The following GTF2A1 variants were observed in gnomAD, a reference collection of about 807,000 sequenced individuals.
GTF2A1 encodes the protein general transcription factor IIA subunit 1.
GTF2A1 carries 12 observed loss-of-function variants against 54.1 expected under a neutral mutation model. That is an observed-to-expected ratio of 0.22 (90% confidence interval 0.14 to 0.36). GTF2A1 has a LOEUF of 0.36. GTF2A1 is among the 10% of genes least tolerant of loss of function. GTF2A1 has a pLI of 1.00. For missense variants in GTF2A1, 335 were observed against 442.2 expected (o/e 0.76, Z 2.17); for synonymous variants, 145 against 152.0 (o/e 0.95, Z 0.34).
At chr14:81,218,266 CAT>C (rs756603348) in intron 1 of GTF2A1, among the ~76,000 whole-genome samples, 4 of 152,138 alleles carry the variant, frequency 2.6e-5, no homozygotes, top group Admixed American at 6.5e-5. Context: ...GAGATCCAGA[CAT>C]GTGTAGGTAT....
chr14:81,208,849 T>C (rs1321001687), intron 2 of GTF2A1, among the ~76,000 whole-genome samples: 1 of 152,186 alleles, frequency 6.6e-6, no homozygotes, highest in Non-Finnish European at 1.5e-5. Flanking sequence ...TGTAACCCCT[T>C]TGTTTTGGCC....
At chr14:81,214,820 T>C (rs1277224707) in intron 2 of GTF2A1, among the ~76,000 whole-genome samples, 1 of 152,212 alleles carries the variant, frequency 6.6e-6, no homozygotes, top group Non-Finnish European at 1.5e-5. Context: ...AATAGCCATA[T>C]TTTAGTAAAT....
chr14:81,214,775 CCATTATA>C (rs1566861989), intron 2 of GTF2A1, among the ~76,000 whole-genome samples: 2 of 151,338 alleles, frequency 1.3e-5, no homozygotes. Context: ...AATAATGGAT[CCATTATA>C]TGTTAACATA....
At chr14:81,188,339 G>A (rs1258389483) in intron 7 of GTF2A1, among the ~76,000 whole-genome samples, 4 of 152,066 alleles carry the variant, frequency 2.6e-5, no homozygotes, top group East Asian at 1.9e-4. Context: ...AGTGAGCCAC[G>A]ATCATGCCAC....
intron 6 of GTF2A1, among the ~76,000 whole-genome samples, chr14:81,194,140 A>T (rs1471072157): frequency 6.6e-6 from 1 of 152,224 alleles, no homozygotes; most frequent in Non-Finnish European, 1.5e-5. Context: ...TGGATGAGCC[A>T]GCATCACCAC....
chr14:81,218,822 T>G (rs928437031), intron 1 of GTF2A1, among the ~76,000 whole-genome samples: 6 of 150,656 alleles, frequency 4.0e-5, no homozygotes, highest in African/African-American at 1.5e-4. Context: ...GTTTGCAGTC[T>G]GTCTCTTCCC....
Position 81,176,344 on chromosome 14 carries a change from A to G in GTF2A1, c.*3879T>C, listed in dbSNP as rs961528225. On this transcript the variant is annotated 3_prime_UTR_variant, in exon 9 of 9. Transcript: ENST00000553612. ...AATAAATATATTTACGCCATTACACATAACAGTATGTACAACAGCAGTTGA... is the reference window on the plus strand; with the variant it reads ...AATAAATATATTTACGCCATTACACGTAACAGTATGTACAACAGCAGTTGA... 1 of 152,150 alleles carries G rather than the reference A, an allele frequency of 6.6e-6. No individual in the cohort carries two copies. Among genetic ancestry groups the G allele is most frequent in the South Asian group, 2.1e-4 (1 of 4,832 alleles). The allele number at this position is 152,150 out of a possible 1,614,324, so 9.4% of individuals were successfully genotyped here. A position where few individuals can be genotyped will look rare whatever the true frequency, so the allele number is the denominator to read the frequency against.
intron 5 of GTF2A1, 158 bp downstream of exon 5, chr14:81,197,251 A>G: frequency 1.8e-6 from 1 of 560,092 alleles, no homozygotes; most frequent in South Asian, 2.4e-5. Context: ...TTACAGTTAT[A>G]TGTGTTACAG....
rs960913188 is a variant in GTF2A1, at chr14:81,220,815, A to C, written c.-297T>G. The C allele has an allele frequency of 3.1e-6, 1 of 324,834 alleles. No homozygotes were observed. Among genetic ancestry groups the C allele is most frequent in the Non-Finnish European group, 5.6e-6 (1 of 179,284 alleles). The allele number at this position is 324,834 out of a possible 1,614,324, so 20.1% of individuals were successfully genotyped here. A position where few individuals can be genotyped will look rare whatever the true frequency, so the allele number is the denominator to read the frequency against. On this transcript the variant is annotated 5_prime_UTR_variant, in exon 1 of 9. Transcript: ENST00000553612. The stretch of plus-strand genomic sequence containing the variant: ...TCCCCACCCCGCGCCAAGGAGGGAA[A>C]CCACCACCGGTCACCGCTCCCTGCG...
Position 81,176,295 on chromosome 14 carries a change from A to T in GTF2A1, c.*3928T>A, listed in dbSNP as rs1892526522. ...CATATATCACAGAAGAGCAACCTTG[A>T]TCTGCAATGAATTTTACAAACATAA... On this transcript the variant is annotated 3_prime_UTR_variant, in exon 9 of 9. Transcript: ENST00000553612. The T allele has an allele frequency of 6.6e-6, 1 of 152,156 alleles. No homozygotes were observed. Among genetic ancestry groups the T allele is most frequent in the Non-Finnish European group, 1.5e-5 (1 of 67,984 alleles). 9.4% of individuals were successfully genotyped at this position (152,156 alleles called of 1,614,324 possible). A position where few individuals can be genotyped will look rare whatever the true frequency, so the allele number is the denominator to read the frequency against.
At chr14:81,209,813 AG>A in intron 2 of GTF2A1, 1 of 631,508 alleles carries the variant, frequency 1.6e-6, no homozygotes, top group Non-Finnish European at 2.5e-6. Context: ...ACAGCCTCAA[AG>A]AAAAGCCATC....
At chr14:81,207,879 C>A (rs1893277003) in intron 2 of GTF2A1, among the ~76,000 whole-genome samples, 1 of 152,142 alleles carries the variant, frequency 6.6e-6, no homozygotes, top group African/African-American at 2.4e-5. Context: ...GGTTAACTGG[C>A]AGAAGAAATT....
intron 2 of GTF2A1, among the ~76,000 whole-genome samples, chr14:81,210,891 TC>T (rs1442818991): frequency 2.0e-5 from 3 of 152,130 alleles, no homozygotes; most frequent in Non-Finnish European, 2.9e-5. Flanking sequence ...TTGAAAACAA[TC>T]AGGAATACTA....
upstream of GTF2A1, chr14:81,221,249 G>A (rs1407300861): frequency 6.6e-6 from 1 of 152,408 alleles, no homozygotes; most frequent in Admixed American, 6.5e-5. Flanking sequence ...GAAAAGACGG[G>A]AGTTCTACTG....
At chr14:81,219,916 A>T (rs1438923954) in intron 1 of GTF2A1, among the ~76,000 whole-genome samples, 1 of 152,150 alleles carries the variant, frequency 6.6e-6, no homozygotes, top group African/African-American at 2.4e-5. Context: ...GTGCTTTTCA[A>T]CCAACCTTCG....
chr14:81,219,305 A>C (rs921126022), intron 1 of GTF2A1, among the ~76,000 whole-genome samples: 1 of 152,186 alleles, frequency 6.6e-6, no homozygotes, highest in Admixed American at 6.5e-5. Flanking sequence ...TGAGCTCTGC[A>C]CACGCCTGGC....
chr14:81,220,573 A>G lies in GTF2A1; in HGVS notation c.-55T>C. On this transcript the variant is annotated 5_prime_UTR_variant, in exon 1 of 9. Coordinates refer to ENST00000553612, the MANE Select transcript of GTF2A1 (RefSeq NM_015859.4). ...AACCCCAAGAAAACAAGATAAAAAC[A>G]AAACCAAAAAAAAAAAAACTATAAC... 7.2e-7 allele frequency: 1 copy of G among 1,396,638 alleles called. No homozygotes were observed. The highest frequency in any genetic ancestry group is 9.6e-7 in the Non-Finnish European group (1 of 1,036,672). 86.5% of individuals were successfully genotyped at this position (1,396,638 alleles called of 1,614,324 possible). A position where few individuals can be genotyped will look rare whatever the true frequency, so the allele number is the denominator to read the frequency against.
intron 6 of GTF2A1, among the ~76,000 whole-genome samples, chr14:81,193,279 A>C (rs1263960187): frequency 1.3e-5 from 2 of 150,552 alleles, no homozygotes; most frequent in African/African-American, 4.9e-5. Context: ...CAATTCTCCC[A>C]CCTCAGCCTC....
At chr14:81,194,070 T>A (rs899434310) in intron 6 of GTF2A1, among the ~76,000 whole-genome samples, 1 of 152,206 alleles carries the variant, frequency 6.6e-6, no homozygotes, top group African/African-American at 2.4e-5. Flanking sequence ...CTGTTTGTGC[T>A]TAAAGGCAGC....
Sources: allele counts gnomAD v4.1 joint callset (sites outside exome capture counted in the v4.1 genomes callset), GRCh38; gene constraint gnomAD v4.1.1; transcripts MANE v1.5; gene names NCBI Gene and HGNC (gene_info 2026-07-23, HGNC 2026-07-21).